Variants in NELL1 observed in about 807,000 individuals in gnomAD.
The protein encoded by NELL1 is protein kinase C-binding protein NELL1.
A neutral mutation model predicts 107.4 loss-of-function variants in NELL1; 76 were observed. The ratio of observed to expected loss-of-function variants is 0.71; its 90% CI spans 0.59 to 0.86. The LOEUF (loss-of-function observed/expected upper bound fraction) is 0.86, where lower values mean the gene tolerates loss of function less well. Ranked by LOEUF, NELL1 falls within the 40% of genes least tolerant of loss-of-function variation. NELL1 has a pLI of 0.00. For synonymous variants in NELL1, 353 were observed against 341.2 expected (o/e 1.03, Z -0.38); for missense variants, 1,024 against 1,005.5 (o/e 1.02, Z -0.25).
chr11:21,565,934 G>C (rs1408676506), intron 17 of NELL1, among the ~76,000 whole-genome samples: 2 of 151,978 alleles, frequency 1.3e-5, no homozygotes, highest in Admixed American at 6.6e-5. Flanking sequence ...TTGTGTGTGA[G>C]AAAGTAGAAT....
At chr11:20,856,346 T>G (rs936772859) in intron 4 of NELL1, among the ~76,000 whole-genome samples, 4 of 152,216 alleles carry the variant, frequency 2.6e-5, no homozygotes, top group Admixed American at 6.5e-5. Flanking sequence ...TTCTCTTCTC[T>G]TTAAAGGGCT....
intron 10 of NELL1, among the ~76,000 whole-genome samples, chr11:20,943,332 G>A (rs1850895944): frequency 6.6e-6 from 1 of 151,964 alleles, no homozygotes; most frequent in African/African-American, 2.4e-5. Context: ...GGGCATGCGG[G>A]TCAGCACTTT....
intron 14 of NELL1, among the ~76,000 whole-genome samples, chr11:21,367,995 C>A (rs1004327098): frequency 3.3e-5 from 5 of 152,036 alleles, no homozygotes; most frequent in Admixed American, 6.6e-5. Context: ...AAGAGCCTGT[C>A]CATATATGAA....
chr11:21,240,662 A>G (rs1858330204), intron 14 of NELL1, among the ~76,000 whole-genome samples: 1 of 151,466 alleles, frequency 6.6e-6, no homozygotes, highest in South Asian at 2.1e-4. Context: ...CTTTTGTGGC[A>G]CAAGATACAA....
intron 2 of NELL1, among the ~76,000 whole-genome samples, chr11:20,724,030 GT>G: frequency 5.1e-5 from 1 of 19,664 alleles, no homozygotes; most frequent in Non-Finnish European, 4.0e-4. Context: ...AGGGTGCCAT[GT>G]CCTGAGGCTG....
chr11:20,843,936 C>T (rs1157508559), intron 3 of NELL1, among the ~76,000 whole-genome samples: 3 of 152,056 alleles, frequency 2.0e-5, no homozygotes, highest in South Asian at 4.1e-4. Context: ...GTAGGGTCTA[C>T]CTTGCACTTA....
intron 14 of NELL1, among the ~76,000 whole-genome samples, chr11:21,319,831 T>C (rs1207438157): frequency 6.6e-6 from 1 of 151,926 alleles, no homozygotes; most frequent in Non-Finnish European, 1.5e-5. Context: ...ATGTGGAAGG[T>C]TCAGCTCATC....
intron 3 of NELL1, among the ~76,000 whole-genome samples, chr11:20,784,700 T>G (rs1433142040): frequency 6.6e-6 from 1 of 152,208 alleles, no homozygotes; most frequent in African/African-American, 2.4e-5. Flanking sequence ...TTAGGTAACC[T>G]AAACAATTTT....
rs1482956126 is a variant in NELL1, at chr11:21,326,073, T to G, written c.1550-44780T>G. On this transcript the variant is annotated intron_variant, in intron 14 of 19. Coordinates refer to ENST00000357134, the MANE Select transcript of NELL1 (RefSeq NM_006157.5). ...AGTTTTTTTTTTTTTTTTTTTTTTT[T>G]TTTTTTTTGGGCTATTTTGAGTAAA... is the stretch of plus-strand genomic sequence containing the variant. Among the ~76,000 whole-genome samples the G allele has an allele frequency of 1.4e-3, 114 of 84,068 alleles. 1 individual carries two copies. Among genetic ancestry groups the G allele is most frequent in the Non-Finnish European group, 2.3e-3 (90 of 38,566 alleles). The allele number at this position is 84,068 out of a possible 152,430, so 55.2% of individuals were successfully genotyped here.
intron 14 of NELL1, among the ~76,000 whole-genome samples, chr11:21,367,631 G>A (rs1027101169): frequency 2.0e-5 from 3 of 152,040 alleles, no homozygotes; most frequent in Non-Finnish European, 4.4e-5. Flanking sequence ...CATCCAGTTC[G>A]TGAGCACATT....
chr11:21,437,638 C>CAT (rs1287778321), intron 15 of NELL1, among the ~76,000 whole-genome samples: 1 of 152,218 alleles, frequency 6.6e-6, no homozygotes, highest in Non-Finnish European at 1.5e-5. Flanking sequence ...GGATTACAGG[C>CAT]ATGGGCCACT....
At chr11:21,338,830 G>A (rs1380276934) in intron 14 of NELL1, among the ~76,000 whole-genome samples, 1 of 152,134 alleles carries the variant, frequency 6.6e-6, no homozygotes, top group Non-Finnish European at 1.5e-5. Context: ...GTTTCAAGAG[G>A]AGCAGAGATT....
At chr11:20,694,455 C>G (rs566022264) in intron 2 of NELL1, among the ~76,000 whole-genome samples, 1 of 151,926 alleles carries the variant, frequency 6.6e-6, no homozygotes, top group African/African-American at 2.4e-5. Flanking sequence ...TAGTGAGAGA[C>G]AGGAGTCTAT....
chr11:21,066,824 C>T (rs1853884099), intron 12 of NELL1, among the ~76,000 whole-genome samples: 1 of 151,964 alleles, frequency 6.6e-6, no homozygotes, highest in Non-Finnish European at 1.5e-5. Flanking sequence ...TGTGATGGTG[C>T]ACGCTTGTAA....
intron 15 of NELL1, among the ~76,000 whole-genome samples, chr11:21,400,826 G>C (rs1008150164): frequency 1.3e-5 from 2 of 151,990 alleles, no homozygotes; most frequent in East Asian, 2.0e-4. Flanking sequence ...TTCATAGTTA[G>C]TGATCCTTGT....
intron 3 of NELL1, among the ~76,000 whole-genome samples, chr11:20,828,617 A>G (rs1469598536): frequency 6.6e-6 from 1 of 152,172 alleles, no homozygotes; most frequent in Non-Finnish European, 1.5e-5. Context: ...ATGATCTACT[A>G]TATTCTGACT....
intron 4 of NELL1, among the ~76,000 whole-genome samples, chr11:20,881,466 C>T (rs1334621805): frequency 6.6e-6 from 1 of 152,180 alleles, no homozygotes; most frequent in Non-Finnish European, 1.5e-5. Flanking sequence ...CACTCACAAG[C>T]TGCTTAACCA....
At chr11:21,498,201 T>C (rs2133927506) in intron 15 of NELL1, among the ~76,000 whole-genome samples, 1 of 151,562 alleles carries the variant, frequency 6.6e-6, no homozygotes. Context: ...TCTAAATTCT[T>C]TTTATATTCT....
intron 18 of NELL1, 28 bp downstream of exon 18, chr11:21,570,968 G>C: frequency 6.3e-7 from 1 of 1,598,338 alleles, no homozygotes; most frequent in East Asian, 2.2e-5. Flanking sequence ...ATAAGGTGTT[G>C]AGCCTTTACT....
Sources: allele counts gnomAD v4.1 joint callset (sites outside exome capture counted in the v4.1 genomes callset), GRCh38; gene constraint gnomAD v4.1.1; transcripts MANE v1.5; gene names NCBI Gene and HGNC (gene_info 2026-07-23, HGNC 2026-07-21).